The following ADGRL1 variants were observed in gnomAD, a reference collection of about 807,000 sequenced individuals.
ADGRL1 encodes the protein CIRL-1.
Under a neutral mutation model 148.9 loss-of-function variants are expected in ADGRL1, and 31 were observed. The observed-to-expected ratio is 0.21, with a 90% CI of 0.16 to 0.28. The LOEUF (loss-of-function observed/expected upper bound fraction) is 0.28. Among genes scored for constraint, ADGRL1 ranks in the 10% least tolerant of loss-of-function variants. The probability of loss-of-function intolerance (pLI) is 1.00; values close to 1 mark genes in which losing one functional copy is unlikely to be tolerated. For missense variants in ADGRL1, 1,521 were observed against 2,058.8 expected, an observed-to-expected ratio of 0.74 and a Z score of 5.05; for synonymous variants, 937 against 900.3, an observed-to-expected ratio of 1.04 and a Z score of -0.73.
chr19:14,200,500 GAGA>G lies in ADGRL1; in HGVS notation c.-96+5482_-96+5484del, dbSNP rs368771241. Among the ~76,000 whole-genome samples the G allele has an allele frequency of 2.9e-3, 445 of 152,352 alleles. 16 individuals are homozygous for G. In the East Asian group the frequency reaches 0.078, roughly 27 times the overall value. On this transcript the variant is annotated intron_variant, in intron 1 of 22. Coordinates refer to ENST00000361434, the MANE Select transcript of ADGRL1 (RefSeq NM_014921.5). ...GTGTTTACATTTTTAAAGGACTGAA[GAGA>G]AGAAGAGAAAAGAGAACAGGCCACA...
chr19:14,151,375 G>T lies in ADGRL1; in HGVS notation c.3908C>A (p.Pro1303His). 1 of 1,602,666 alleles carries T rather than the reference G, an allele frequency of 6.2e-7. No individual in the cohort carries two copies. The highest frequency in any genetic ancestry group is 8.5e-7 in the Non-Finnish European group (1 of 1,175,372). ...SAAKGPPPPE[P>H]PVPPVPGGGG... ...GCCCCCTGGCACAGGTGGCACAGGG[G>T]GCTCAGGCGGTGGAGGGCCCTTGGC... Residue 1303 changes from proline to histidine, a missense_variant, in exon 23 of 23, where the codon CCC becomes CAC. Transcript: ENST00000361434.
Position 14,174,935 on chromosome 19 carries a change from G to A in ADGRL1, c.284+2596C>T, listed in dbSNP as rs1010021916. Among the ~76,000 whole-genome samples, 173 of 150,060 alleles carry A rather than the reference G, an allele frequency of 1.2e-3. 1 individual carries two copies. The highest frequency in any genetic ancestry group is 3.4e-4 in the African/African-American group (14 of 40,792). The stretch of plus-strand genomic sequence containing the variant: ...TAGCTCATTGAAGCCTCAAACTCCC[G>A]GGCCCAAGTGATCCTCCTGCATCGG... On this transcript the variant is annotated intron_variant, in intron 3 of 22. Transcript: ENST00000361434.
At chr19:14,166,555 G>GGAGAGACAGAGAGAGAGAGA (rs1969976169) in intron 4 of ADGRL1, among the ~76,000 whole-genome samples, 1 of 150,998 alleles carries the variant, frequency 6.6e-6, no homozygotes, top group Non-Finnish European at 1.5e-5. Context: ...AAGAGAGAGG[G>GGAGAGACAGAGAGAGAGAGA]GAGAGACAGA....
chr19:14,178,206 TA>T (rs1015122588), intron 2 of ADGRL1, among the ~76,000 whole-genome samples: 2 of 152,130 alleles, frequency 1.3e-5, no homozygotes, highest in African/African-American at 4.8e-5. Flanking sequence ...GTGGTCCTTA[TA>T]AAAACGGGCA....
intron 4 of ADGRL1, among the ~76,000 whole-genome samples, chr19:14,168,108 G>A (rs753189704): frequency 3.9e-5 from 6 of 151,938 alleles, no homozygotes; most frequent in Non-Finnish European, 7.4e-5. Context: ...TGAAGCCCTG[G>A]GCCAGGTGGC....
rs779415107 is a variant in ADGRL1 at position 14,157,474 on chromosome 19, CAG to C, written c.2536-16_2536-15del. 9.3e-6 allele frequency: 15 copies of C among 1,613,220 alleles called. No individual in the cohort carries two copies. The highest frequency in any genetic ancestry group is 1.6e-4 in the Middle Eastern group (1 of 6,084). On this transcript the variant is annotated splice_polypyrimidine_tract_variant and intron_variant, in intron 13 of 22. Coordinates refer to ENST00000361434, the MANE Select transcript of ADGRL1 (RefSeq NM_014921.5). The surrounding 1 kb of genome is among the most constrained non-coding windows in gnomAD (Gnocchi z 7.5). ...GCGGCCCTGGTACTGGGGACAGGAA[CAG>C]GGGGCACGCTCAGGGCCTTTGGTTT...
chr19:14,194,733 T>C (rs994893480), intron 1 of ADGRL1, among the ~76,000 whole-genome samples: 10 of 139,180 alleles, frequency 7.2e-5, no homozygotes, highest in Admixed American at 1.5e-4. Flanking sequence ...TGTATTTGAG[T>C]GTCTATGCAA....
intron 1 of ADGRL1, among the ~76,000 whole-genome samples, chr19:14,183,954 C>G (rs1349104395): frequency 6.6e-6 from 1 of 152,198 alleles, no homozygotes; most frequent in Non-Finnish European, 1.5e-5. Flanking sequence ...CCTGGGACAG[C>G]TCACGGGGAG....
At chr19:14,172,709 C>T (rs1333633992) in intron 3 of ADGRL1, among the ~76,000 whole-genome samples, 1 of 152,148 alleles carries the variant, frequency 6.6e-6, no homozygotes, top group Non-Finnish European at 1.5e-5. Flanking sequence ...CGCTGTACTC[C>T]AGAAGTAGAC....
Position 14,170,538 on chromosome 19 carries a change from G to A in ADGRL1, c.394+144C>T, listed in dbSNP as rs1970378345. The A allele has an allele frequency of 6.9e-6, 4 of 582,398 alleles. No homozygotes were observed. In the Admixed American group the frequency reaches 8.6e-5, roughly 13 times the overall value. The allele number at this position is 582,398 out of a possible 1,614,324, so 36.1% of individuals were successfully genotyped here. A position where few individuals can be genotyped will look rare whatever the true frequency, so the allele number is the denominator to read the frequency against. On this transcript the variant is annotated intron_variant, in intron 4 of 22. Coordinates refer to ENST00000361434, the MANE Select transcript of ADGRL1 (RefSeq NM_014921.5). ...ACACTGGTGTCTGGGATTAGAGAATGTGTGTTGGAGAGAGCAGGCCCGGCT... is the reference window on the plus strand; with the variant it reads ...ACACTGGTGTCTGGGATTAGAGAATATGTGTTGGAGAGAGCAGGCCCGGCT...
At chr19:14,186,628 TC>T (rs1191354250) in intron 1 of ADGRL1, among the ~76,000 whole-genome samples, 2 of 152,048 alleles carry the variant, frequency 1.3e-5, no homozygotes, top group Non-Finnish European at 2.9e-5. Flanking sequence ...CGCCTCCCAA[TC>T]CGCCCTTCAC....
chr19:14,155,637 C>T lies in ADGRL1; in HGVS notation c.3126-110G>A. ...GCCCTTGGGTGGGCCTGGGCACTGT[C>T]TGCAAAGCCCTGAGCGGGCCGAGTG... On this transcript the variant is annotated intron_variant, in intron 17 of 22. Coordinates refer to ENST00000361434, the MANE Select transcript of ADGRL1 (RefSeq NM_014921.5). This position sits in a 1 kb window ranked among gnomAD's most constrained non-coding sequence, Gnocchi z 5.0. 8.8e-7 allele frequency: 1 copy of T among 1,134,212 alleles called. No individual in the cohort carries two copies. The highest frequency in any genetic ancestry group is 2.5e-5 in the East Asian group (1 of 39,648). The allele number at this position is 1,134,212 out of a possible 1,614,324, so 70.3% of individuals were successfully genotyped here. A position where few individuals can be genotyped will look rare whatever the true frequency, so the allele number is the denominator to read the frequency against.
At chr19:14,170,840 G>T in intron 3 of ADGRL1, 49 bp from the exon 4 acceptor site, 1 of 884,260 alleles carries the variant, frequency 1.1e-6, no homozygotes, top group Non-Finnish European at 1.8e-6. Context: ...AGACGGGGTG[G>T]CGGGGGTGGG....
chr19:14,191,330 G>A (rs1415672978), intron 1 of ADGRL1: 1 of 456,574 alleles, frequency 2.2e-6, no homozygotes, highest in African/African-American at 2.0e-5. Flanking sequence ...CCCTTGCCAT[G>A]CTGTGACCTC....
intron 1 of ADGRL1, among the ~76,000 whole-genome samples, chr19:14,184,152 C>T (rs1291246705): frequency 2.0e-5 from 3 of 152,216 alleles, no homozygotes; most frequent in African/African-American, 7.2e-5. Flanking sequence ...AGCCCCCGCC[C>T]CCAGCCCCCT....
chr19:14,160,104 G>C lies in ADGRL1; in HGVS notation c.1800+8C>G. Reference sequence around the variant, plus strand: ...CCATACCAGGTCAGCGCCACCGCCAGGCCCCACCTTGTTGTAGTTCTTGCC... The same window carrying C: ...CCATACCAGGTCAGCGCCACCGCCACGCCCCACCTTGTTGTAGTTCTTGCC... On this transcript the variant is annotated splice_region_variant and intron_variant, in intron 8 of 22. Coordinates refer to ENST00000361434, the MANE Select transcript of ADGRL1 (RefSeq NM_014921.5). The surrounding 1 kb of genome is among the most constrained non-coding windows in gnomAD (Gnocchi z 5.9). The C allele has an allele frequency of 6.4e-7, 1 of 1,574,162 alleles. No homozygotes were observed. The highest frequency in any genetic ancestry group is 1.1e-5 in the South Asian group (1 of 88,958).
chr19:14,204,438 C>A (rs1972825160), intron 1 of ADGRL1, among the ~76,000 whole-genome samples: 1 of 151,830 alleles, frequency 6.6e-6, no homozygotes, highest in African/African-American at 2.4e-5. Context: ...GTGGAGGGCA[C>A]GGAGCTTTCA....
chr19:14,204,581 A>C lies in ADGRL1; in HGVS notation c.-96+1404T>G, dbSNP rs546346630. On this transcript the variant is annotated intron_variant, in intron 1 of 22. Coordinates refer to ENST00000361434, the MANE Select transcript of ADGRL1 (RefSeq NM_014921.5). The stretch of plus-strand genomic sequence containing the variant: ...CATGGAGGTCAACGGCCCGGAATAG[A>C]CATTCACCCTCAGGTGTGCCCCACT... Among the ~76,000 whole-genome samples the C allele has an allele frequency of 3.9e-5, 6 of 152,120 alleles. No individual in the cohort carries two copies. The East Asian group carries it at 1.2e-3, about 30-fold the overall frequency.
intron 1 of ADGRL1, among the ~76,000 whole-genome samples, chr19:14,199,982 C>T (rs1972494611): frequency 6.6e-6 from 1 of 151,988 alleles, no homozygotes; most frequent in African/African-American, 2.4e-5. Flanking sequence ...GATCCACCCA[C>T]CTCGGCCTTC....
Sources: gnomAD v4.1 joint callset for allele counts (sites outside exome capture counted in the v4.1 genomes callset) on GRCh38, gnomAD v4.1.1 for gene constraint, Gnocchi (gnomAD v3.1) non-coding constraint, MANE v1.5 for transcripts, NCBI Gene and HGNC (gene_info 2026-07-23, HGNC 2026-07-21) for gene names.